DCTPP1: variants seen among roughly 807,000 people sequenced by gnomAD.
DCTPP1 encodes XTP3-transactivated gene A protein.
In DCTPP1, 8 loss-of-function variants were observed where a neutral mutation model predicts 8.8. That is an observed-to-expected ratio of 0.91 (90% CI 0.54 to 1.64). The LOEUF (loss-of-function observed/expected upper bound fraction) is 1.64, where lower values mean the gene tolerates loss of function less well. DCTPP1 is among the 40% of genes most tolerant of loss of function. The pLI, the probability that DCTPP1 is intolerant of heterozygous loss-of-function variation, is 0.00. For missense variants in DCTPP1, 231 were observed against 230.4 expected, an observed-to-expected ratio of 1.00 and a Z score of -0.02; for synonymous variants, 85 against 92.1, an observed-to-expected ratio of 0.92 and a Z score of 0.44.
chr16:30,429,818 C>G, intron 1 of DCTPP1, 62 bp downstream of exon 1: 1 of 1,518,282 alleles, frequency 6.6e-7, no homozygotes, highest in South Asian at 1.2e-5. Context: ...TGGAGGAACC[C>G]TCCCCAAAAC....
chr16:30,430,027 G>A lies in DCTPP1; in HGVS notation c.-47C>T, dbSNP rs1347364748. The A allele has an allele frequency of 7.1e-7, 1 of 1,406,220 alleles. No individual in the cohort carries two copies. The highest frequency in any genetic ancestry group is 9.3e-7 in the Non-Finnish European group (1 of 1,074,338). 87.1% of individuals were successfully genotyped at this position (1,406,220 alleles called of 1,614,324 possible). A position where few individuals can be genotyped will look rare whatever the true frequency, so the allele number is the denominator to read the frequency against. On this transcript the variant is annotated 5_prime_UTR_variant, in exon 1 of 3. Coordinates refer to ENST00000319285, the MANE Select transcript of DCTPP1 (RefSeq NM_024096.2). ...ACTTCACGGAAAACCCACGAGCCAC[G>A]CTCGAAGCCCCGCCTCCAGAGCTCC...
At chr16:30,425,790 C>G (rs1441390773) in intron 2 of DCTPP1, among the ~76,000 whole-genome samples, 1 of 152,216 alleles carries the variant, frequency 6.6e-6, no homozygotes, top group East Asian at 1.9e-4. Flanking sequence ...ACACTCCAGC[C>G]TTGGTAACAG....
At position 30,429,985 on chromosome 16, in the gene DCTPP1, C is replaced by G. The variant is rs778957306; in HGVS notation, c.-5G>C. The G allele has an allele frequency of 1.3e-6, 2 of 1,538,050 alleles. No homozygotes were observed. Among genetic ancestry groups the G allele is most frequent in the East Asian group, 5.2e-5 (2 of 38,628 alleles). On this transcript the variant is annotated 5_prime_UTR_variant, in exon 1 of 3. Transcript: ENST00000319285. ...CTCCCCACCGGCCACAGACATGCCG[C>G]CCACCGCTGCACCGCGACTTCACGG...
In DCTPP1 at chr16:30,424,292, C is replaced by G; in HGVS notation, c.454G>C (p.Asp152His). ...TELPHGAISE[D>H]QAVGPADIPC... ...ATGTCCGCAGGCCCCACAGCCTGGT[C>G]TTCAGAGATGGCCCCATGGGGCAAT... Residue 152 changes from aspartate to histidine, a missense_variant, in exon 3 of 3, where the codon GAC (aspartate) becomes CAC (histidine). Coordinates refer to ENST00000319285, the MANE Select transcript of DCTPP1 (RefSeq NM_024096.2). The G allele has an allele frequency of 6.2e-7, 1 of 1,614,252 alleles. No homozygotes were observed. Among genetic ancestry groups the G allele is most frequent in the Non-Finnish European group, 8.5e-7 (1 of 1,180,048 alleles).
chr16:30,428,192 T>G (rs1023397764), intron 2 of DCTPP1, among the ~76,000 whole-genome samples: 3 of 152,162 alleles, frequency 2.0e-5, no homozygotes, highest in Non-Finnish European at 4.4e-5. Flanking sequence ...AATCATATCT[T>G]TGTGGGTTCA....
At chr16:30,428,235 T>A (rs1329663413) in intron 2 of DCTPP1, among the ~76,000 whole-genome samples, 1 of 152,128 alleles carries the variant, frequency 6.6e-6, no homozygotes, top group Non-Finnish European at 1.5e-5. Flanking sequence ...GCCCTATCAC[T>A]CATCCAACGT....
At chr16:30,425,452 C>T (rs1368235406) in intron 2 of DCTPP1, among the ~76,000 whole-genome samples, 1 of 152,134 alleles carries the variant, frequency 6.6e-6, no homozygotes, top group Non-Finnish European at 1.5e-5. Context: ...CGCACCACAG[C>T]ATTCCAGCCT....
In DCTPP1 at chr16:30,427,526, T is replaced by G. The variant is rs1283009918; in HGVS notation, c.212+1531A>C. The stretch of plus-strand genomic sequence containing the variant: ...CAGGGTTTCACCATGTTGGCCAGAC[T>G]GGGTCATCACCTTGTGTTCTTTTCC... On this transcript the variant is annotated intron_variant, in intron 2 of 2. Transcript: ENST00000319285. Among the ~76,000 whole-genome samples, 3 of 152,346 alleles carry G rather than the reference T, an allele frequency of 2.0e-5. No individual in the cohort carries two copies. In the East Asian group the frequency reaches 5.8e-4, roughly 29 times the overall value.
At chr16:30,428,773 A>C (rs2050208170) in intron 2 of DCTPP1, 2 of 418,226 alleles carry the variant, frequency 4.8e-6, no homozygotes, top group Admixed American at 8.6e-5. Flanking sequence ...TCTCAAAAAA[A>C]AGCCAAAAAA....
intron 2 of DCTPP1, among the ~76,000 whole-genome samples, chr16:30,427,988 T>C (rs4788415): frequency 0.94 from 143,002 of 152,228 alleles, 67,298 homozygotes; most frequent in East Asian, 1. Context: ...GAGTGAGACC[T>C]TTTCTCTTAA....
intron 1 of DCTPP1, chr16:30,429,442 C>T: frequency 2.3e-6 from 1 of 433,986 alleles, no homozygotes; most frequent in East Asian, 3.7e-5. Flanking sequence ...CTGCAGTTTC[C>T]TCCACCTGGA....
chr16:30,429,731 G>A (rs2050213991), intron 1 of DCTPP1, 149 bp downstream of exon 1: 2 of 696,098 alleles, frequency 2.9e-6, no homozygotes, highest in Non-Finnish European at 4.5e-6. Flanking sequence ...TTTTGCAGAT[G>A]AGGTAAGAAG....
chr16:30,424,506 G>T lies in DCTPP1; in HGVS notation c.240C>A (p.Gly80=), dbSNP rs1421751151. 1.2e-6 allele frequency: 2 copies of T among 1,613,876 alleles called. No homozygotes were observed. Among genetic ancestry groups the T allele is most frequent in the Non-Finnish European group, 1.7e-6 (2 of 1,180,026 alleles). Residue 80 remains glycine, a synonymous_variant, in exon 3 of 3, where the codon GGC becomes GGA. Coordinates refer to ENST00000319285, the MANE Select transcript of DCTPP1 (RefSeq NM_024096.2). Reference sequence around the variant, plus strand: ...GTTCCCTGGGGGACCAGCCTTGGGGGCCAGGTTCCCCATCGGTTTTCCACT... The same window carrying T: ...GTTCCCTGGGGGACCAGCCTTGGGGTCCAGGTTCCCCATCGGTTTTCCACT... ...LFQWKTDGEP[G]PQGWSPRERA...
At chr16:30,426,722 C>T (rs1012671604) in intron 2 of DCTPP1, among the ~76,000 whole-genome samples, 3 of 151,654 alleles carry the variant, frequency 2.0e-5, no homozygotes, top group Admixed American at 1.3e-4. Context: ...TTTTTTGAGA[C>T]GGAGTCTTGC....
At chr16:30,429,203 C>T (rs755541131) in intron 1 of DCTPP1, 36 bp from the exon 2 acceptor site, 6 of 1,610,166 alleles carry the variant, frequency 3.7e-6, no homozygotes, top group Non-Finnish European at 5.1e-6. Context: ...TCCAAGTCTC[C>T]GGGTTAGAGG....
At chr16:30,424,623 A>T in intron 2 of DCTPP1, 90 bp from the exon 3 acceptor site, 1 of 1,499,876 alleles carries the variant, frequency 6.7e-7, no homozygotes, top group Non-Finnish European at 8.9e-7. Flanking sequence ...CCCACCTCCA[A>T]GGACGACCTA....
At chr16:30,429,658 C>T in intron 1 of DCTPP1, 1 of 524,842 alleles carries the variant, frequency 1.9e-6, no homozygotes, top group South Asian at 2.5e-5. Flanking sequence ...GAAGGGCGTT[C>T]CTAGTTACCA....
chr16:30,424,133 C>A lies in DCTPP1; in HGVS notation c.*100G>T. 1.4e-6 allele frequency: 2 copies of A among 1,417,380 alleles called. No individual in the cohort carries two copies. Among genetic ancestry groups the A allele is most frequent in the South Asian group, 1.4e-5 (1 of 69,702 alleles). The allele number at this position is 1,417,380 out of a possible 1,614,324, so 87.8% of individuals were successfully genotyped here. ...GACCTCAAGAAGTGGAGGCCTCAGG[C>A]CCATGATCTATTCTGAAAAGACTAG... On this transcript the variant is annotated 3_prime_UTR_variant, in exon 3 of 3. Transcript: ENST00000319285.
intron 1 of DCTPP1, 98 bp downstream of exon 1, chr16:30,429,782 C>A: frequency 8.0e-7 from 1 of 1,246,630 alleles, no homozygotes; most frequent in East Asian, 2.8e-5. Context: ...ACCCGAGCCC[C>A]GCTGCCAGCC....
Sources: gnomAD v4.1 joint callset for allele counts (sites outside exome capture counted in the v4.1 genomes callset) on GRCh38, gnomAD v4.1.1 for gene constraint, MANE v1.5 for transcripts, NCBI Gene and HGNC (gene_info 2026-07-23, HGNC 2026-07-21) for gene names.